The following TSLP variants were observed in gnomAD, a reference collection of about 807,000 sequenced individuals.
TSLP encodes thymic stroma-derived lymphopoietin.
In TSLP, 12 loss-of-function variants were observed where a neutral mutation model predicts 12.4. That is an observed-to-expected ratio of 0.97 (90% CI 0.62 to 1.57). The LOEUF (loss-of-function observed/expected upper bound fraction) is 1.57. TSLP is among the 40% of genes most tolerant of loss of function. TSLP has a pLI of 0.00. For synonymous variants in TSLP, 97 were observed against 69.5 expected, an observed-to-expected ratio of 1.40 and a Z score of -1.97; for missense variants, 222 against 189.6, an observed-to-expected ratio of 1.17 and a Z score of -1.00.
Position 111,076,654 on chromosome 5 carries a change from G to C in TSLP, c.*580G>C, listed in dbSNP as rs958669513. 12 of 152,232 alleles carry C rather than the reference G, an allele frequency of 7.9e-5. No homozygotes were observed. The highest frequency in any genetic ancestry group is 1.3e-4 in the Non-Finnish European group (9 of 68,086). The allele number at this position is 152,232 out of a possible 1,614,324, so 9.4% of individuals were successfully genotyped here. On this transcript the variant is annotated 3_prime_UTR_variant, in exon 4 of 4. Transcript: ENST00000344895. Reference sequence around the variant, plus strand: ...GGTATATACAAGTAGATCCTGAGAAGTACCTTTGTTACAGCTACTATAAAT... The same window carrying C: ...GGTATATACAAGTAGATCCTGAGAACTACCTTTGTTACAGCTACTATAAAT...
At position 111,077,938 on chromosome 5, in the gene TSLP, G is replaced by A. The variant is rs989051676; in HGVS notation, c.*1864G>A. 2 of 152,436 alleles carry A rather than the reference G, an allele frequency of 1.3e-5. No homozygotes were observed. Among genetic ancestry groups the A allele is most frequent in the Non-Finnish European group, 2.9e-5 (2 of 68,002 alleles). The allele number at this position is 152,436 out of a possible 1,614,324, so 9.4% of individuals were successfully genotyped here. On this transcript the variant is annotated 3_prime_UTR_variant, in exon 4 of 4. Transcript: ENST00000344895. Reference sequence around the variant, plus strand: ...ATCATACATCTCTGGTTTTTTAAATGTATTGAGGCTTTCTTGGTGGACTAG... The same window carrying A: ...ATCATACATCTCTGGTTTTTTAAATATATTGAGGCTTTCTTGGTGGACTAG...
At chr5:111,072,138 T>A (rs1230887532) in intron 1 of TSLP, 77 bp downstream of exon 1, 1 of 1,257,174 alleles carries the variant, frequency 8.0e-7, no homozygotes. Context: ...CAATTTAACT[T>A]TGTAGGAAAG....
rs1454641281 is a variant in TSLP, at chr5:111,077,027, T to A, written c.*953T>A. Reference sequence around the variant, plus strand: ...GTCACTAGTCTTTTATTTTTTCCCCTCTTGAACTTTCCTCACACCTGGAAG... The same window carrying A: ...GTCACTAGTCTTTTATTTTTTCCCCACTTGAACTTTCCTCACACCTGGAAG... On this transcript the variant is annotated 3_prime_UTR_variant, in exon 4 of 4. Coordinates refer to ENST00000344895, the MANE Select transcript of TSLP (RefSeq NM_033035.5). 2.0e-5 allele frequency: 3 copies of A among 152,158 alleles called. No individual in the cohort carries two copies. Among genetic ancestry groups the A allele is most frequent in the Non-Finnish European group, 4.4e-5 (3 of 68,018 alleles). 9.4% of individuals were successfully genotyped at this position (152,158 alleles called of 1,614,324 possible).
At chr5:111,074,000 T>G (rs1752420391) in intron 3 of TSLP, among the ~76,000 whole-genome samples, 1 of 152,184 alleles carries the variant, frequency 6.6e-6, no homozygotes, top group Non-Finnish European at 1.5e-5. Context: ...CCTTCAACAT[T>G]AAAATCTCAG....
rs1752356837 is a variant in TSLP at position 111,072,124 on chromosome 5, T to A, written c.171+63T>A. 2.7e-5 allele frequency: 36 copies of A among 1,346,810 alleles called. No individual in the cohort carries two copies. In the South Asian group the frequency reaches 4.9e-4, roughly 18 times the overall value. 83.4% of individuals were successfully genotyped at this position (1,346,810 alleles called of 1,614,324 possible). On this transcript the variant is annotated intron_variant, in intron 1 of 3. Transcript: ENST00000344895. The stretch of plus-strand genomic sequence containing the variant: ...ATCAGAGGAGTCGGCATACACACAC[T>A]CTACAATTTAACTTTGTAGGAAAGA...
At chr5:111,073,120 A>T (rs911437702) in intron 2 of TSLP, among the ~76,000 whole-genome samples, 188 bp downstream of exon 2, 1 of 152,186 alleles carries the variant, frequency 6.6e-6, no homozygotes, top group African/African-American at 2.4e-5. Flanking sequence ...TTCTGTTCCA[A>T]TTTAGGGAGA....
upstream of TSLP, chr5:111,071,688 T>G: frequency 7.9e-7 from 1 of 1,259,306 alleles, no homozygotes; most frequent in African/African-American, 1.5e-5. Context: ...AGGTGTTATA[T>G]AGTGCAGCCA....
intron 2 of TSLP, 33 bp from the exon 3 acceptor site, chr5:111,073,475 TCTC>T (rs1752400122): frequency 6.2e-7 from 1 of 1,613,170 alleles, no homozygotes; most frequent in South Asian, 1.1e-5. Flanking sequence ...TCTGGTGTTT[TCTC>T]CTTTTCTCGT....
rs1229164976 is a variant in TSLP at position 111,072,175 on chromosome 5, C to T, written c.171+114C>T. ...AAAATAATTTAGAAAAAATCATGGC[C>T]CCACATTTTGTCAAGGATTCTTACA... On this transcript the variant is annotated intron_variant, in intron 1 of 3. Transcript: ENST00000344895. The T allele has an allele frequency of 3.4e-6, 3 of 886,410 alleles. No individual in the cohort carries two copies. In the Admixed American group the frequency reaches 8.5e-5, roughly 25 times the overall value. The allele number at this position is 886,410 out of a possible 1,614,324, so 54.9% of individuals were successfully genotyped here.
chr5:111,075,576 C>T (rs753320451), intron 3 of TSLP, among the ~76,000 whole-genome samples: 89 of 152,098 alleles, frequency 5.9e-4, no homozygotes, highest in Non-Finnish European at 1.1e-3. Flanking sequence ...TTCAGTGTTT[C>T]CTATGATTAA....
chr5:111,073,563 G>C lies in TSLP; in HGVS notation c.269G>C (p.Cys90Ser), dbSNP rs11539838. Reference protein sequence around the residue: ...QSLTFNPTAGCASLAKEMFAM... With the variant: ...QSLTFNPTAGSASLAKEMFAM... Reference sequence around the variant, plus strand: ...CTAACCTTCAATCCCACCGCCGGCTGCGCGTCGCTCGCCAAAGAAATGTTC... The same window carrying C: ...CTAACCTTCAATCCCACCGCCGGCTCCGCGTCGCTCGCCAAAGAAATGTTC... The change falls in exon 3 of 4, where the codon TGC (cysteine) becomes TCC (serine). Residue 90 changes from cysteine to serine, a missense_variant. Physicochemically the swap from Cys to Ser is moderately radical, Grantham distance 112. Transcript: ENST00000344895. 6.6e-5 allele frequency: 107 copies of C among 1,614,044 alleles called. No individual in the cohort carries two copies. Among genetic ancestry groups the C allele is most frequent in the Non-Finnish European group, 8.6e-5 (102 of 1,180,042 alleles).
chr5:111,071,503 G>C (rs1307424791), upstream of TSLP: 13 of 1,547,276 alleles, frequency 8.4e-6, no homozygotes, highest in African/African-American at 1.4e-4. Flanking sequence ...TTAGGGCAAA[G>C]CAAAAAGGAG....
In TSLP at chr5:111,076,173, T is replaced by A. The variant is rs187411102; in HGVS notation, c.*99T>A. ...TAACTGTGACAAAGAAGACCACAAATAGTTATCTTTTAATTACAGAAGAGT... is the reference window on the plus strand; with the variant it reads ...TAACTGTGACAAAGAAGACCACAAAAAGTTATCTTTTAATTACAGAAGAGT... On this transcript the variant is annotated 3_prime_UTR_variant, in exon 4 of 4. Coordinates refer to ENST00000344895, the MANE Select transcript of TSLP (RefSeq NM_033035.5). 7.3e-7 allele frequency: 1 copy of A among 1,362,378 alleles called. No individual in the cohort carries two copies. The highest frequency in any genetic ancestry group is 1.0e-6 in the Non-Finnish European group (1 of 977,978). 84.4% of individuals were successfully genotyped at this position (1,362,378 alleles called of 1,614,324 possible).
In TSLP at chr5:111,077,833, A is replaced by G. The variant is rs564351659; in HGVS notation, c.*1759A>G. ...ATGTAAAATTAGTCATTTAAATTAC[A>G]CTGTCAATTAAAAGTAATGGGCAAG... On this transcript the variant is annotated 3_prime_UTR_variant, in exon 4 of 4. Transcript: ENST00000344895. The G allele has an allele frequency of 1.3e-5, 2 of 152,712 alleles. No individual in the cohort carries two copies. Among genetic ancestry groups the G allele is most frequent in the African/African-American group, 4.8e-5 (2 of 41,576 alleles). The allele number at this position is 152,712 out of a possible 1,614,324, so 9.5% of individuals were successfully genotyped here. A position where few individuals can be genotyped will look rare whatever the true frequency, so the allele number is the denominator to read the frequency against.
In TSLP at chr5:111,076,231, T is replaced by TA; in HGVS notation, c.*159dup. On this transcript the variant is annotated 3_prime_UTR_variant, in exon 4 of 4. Transcript: ENST00000344895. ...CTTACTTTTGTAAGTTTTTATTGTG[T>TA]AAGTTTATAATGCAGGGGAAGTACT... is the stretch of plus-strand genomic sequence containing the variant. The TA allele has an allele frequency of 3.5e-6, 3 of 847,444 alleles. No homozygotes were observed. The highest frequency in any genetic ancestry group is 5.5e-6 in the Non-Finnish European group (3 of 546,586). The allele number at this position is 847,444 out of a possible 1,614,324, so 52.5% of individuals were successfully genotyped here.
chr5:111,073,129 G>C lies in TSLP; in HGVS notation c.216+197G>C, dbSNP rs187014333. Reference sequence around the variant, plus strand: ...CAACACTTCTGTTCCAATTTAGGGAGAGGAAGTCTCTATCCGGAGGAAAGG... The same window carrying C: ...CAACACTTCTGTTCCAATTTAGGGACAGGAAGTCTCTATCCGGAGGAAAGG... On this transcript the variant is annotated intron_variant, in intron 2 of 3. Coordinates refer to ENST00000344895, the MANE Select transcript of TSLP (RefSeq NM_033035.5). Among the ~76,000 whole-genome samples, 31 of 152,364 alleles carry C rather than the reference G, an allele frequency of 2.0e-4. 1 individual carries two copies. The highest frequency in any genetic ancestry group is 7.2e-4 in the Admixed American group (11 of 15,310).
At chr5:111,073,029 C>G (rs1370766728) in intron 2 of TSLP, 97 bp downstream of exon 2, 1 of 1,464,854 alleles carries the variant, frequency 6.8e-7, no homozygotes, top group Non-Finnish European at 9.5e-7. Flanking sequence ...CGAGAGGTGC[C>G]TGGGCTCCGG....
intron 3 of TSLP, 136 bp downstream of exon 3, chr5:111,073,781 G>A (rs1307349629): frequency 2.9e-6 from 3 of 1,021,218 alleles, no homozygotes; most frequent in African/African-American, 1.6e-5. Flanking sequence ...GGTAAAAGTG[G>A]TAGGATGTCA....
Position 111,075,981 on chromosome 5 carries a change from A to G in TSLP, c.387A>G (p.Lys129=). Residue 129 remains lysine (K), a synonymous_variant, in exon 4 of 4, where the codon AAA becomes AAG. Transcript: ENST00000344895. ...NATQAMKKRR[K]RKVTTNKCLE... ...CTCAGGCAATGAAGAAGAGGAGAAAAAGGAAAGTCACAACCAATAAATGTC... is the reference window on the plus strand; with the variant it reads ...CTCAGGCAATGAAGAAGAGGAGAAAGAGGAAAGTCACAACCAATAAATGTC... The G allele has an allele frequency of 6.2e-7, 1 of 1,614,042 alleles. No homozygotes were observed. Among genetic ancestry groups the G allele is most frequent in the Non-Finnish European group, 8.5e-7 (1 of 1,179,970 alleles).
Sources: allele counts gnomAD v4.1 joint callset (sites outside exome capture counted in the v4.1 genomes callset), GRCh38; gene constraint gnomAD v4.1.1; transcripts MANE v1.5; gene names NCBI Gene and HGNC (gene_info 2026-07-23, HGNC 2026-07-21).